MECOM: variants seen among roughly 807,000 people sequenced by gnomAD.
MECOM encodes histone-lysine N-methyltransferase MECOM.
Under a neutral mutation model 116.3 loss-of-function variants are expected in MECOM, and 13 were observed. That is an observed-to-expected ratio of 0.11 (90% CI 0.07 to 0.18). The LOEUF (loss-of-function observed/expected upper bound fraction) is 0.18, where lower values mean the gene tolerates loss of function less well. Among genes scored for constraint, MECOM ranks in the 10% least tolerant of loss-of-function variants. MECOM has a pLI of 1.00. For missense variants in MECOM, 1,299 were observed against 1,509.0 expected (o/e 0.86, Z 2.31); for synonymous variants, 528 against 535.2 (o/e 0.99, Z 0.19).
intron 5 of MECOM, among the ~76,000 whole-genome samples, chr3:169,123,049 A>T (rs1368142526): frequency 3.3e-5 from 5 of 152,056 alleles, no homozygotes; most frequent in South Asian, 4.2e-4. Flanking sequence ...TCACTACACA[A>T]TTCTAACAAC....
intron 2 of MECOM, among the ~76,000 whole-genome samples, chr3:169,322,555 T>C (rs1401147645): frequency 6.6e-6 from 1 of 152,088 alleles, no homozygotes; most frequent in Non-Finnish European, 1.5e-5. Flanking sequence ...CTGAACAACT[T>C]AATAAAGTTT....
At chr3:169,560,188 A>G (rs1762485275) in intron 1 of MECOM, among the ~76,000 whole-genome samples, 1 of 152,314 alleles carries the variant, frequency 6.6e-6, no homozygotes, top group Admixed American at 6.5e-5. Context: ...ATTTATAATT[A>G]TTAAGCTTGT....
intron 2 of MECOM, among the ~76,000 whole-genome samples, chr3:169,212,131 T>A (rs759832532): frequency 5.3e-4 from 81 of 152,090 alleles, no homozygotes; most frequent in Non-Finnish European, 1.1e-3. Context: ...ATCTGAATGG[T>A]AAGATTGATT....
At chr3:169,322,995 G>A (rs1449594943) in intron 2 of MECOM, among the ~76,000 whole-genome samples, 6 of 64,994 alleles carry the variant, frequency 9.2e-5, no homozygotes, top group African/African-American at 3.9e-4. Context: ...GCAAGACTCC[G>A]GTAAAAAAAA....
intron 2 of MECOM, among the ~76,000 whole-genome samples, chr3:169,242,603 G>A (rs1342799405): frequency 6.6e-6 from 1 of 152,098 alleles, no homozygotes; most frequent in Non-Finnish European, 1.5e-5. Context: ...AGAGCAGGAC[G>A]CGGGCTGCTC....
chr3:169,087,314 C>T (rs1451419229), intron 16 of MECOM, among the ~76,000 whole-genome samples: 1 of 152,068 alleles, frequency 6.6e-6, no homozygotes, highest in Admixed American at 6.6e-5. Flanking sequence ...AAAACCATGG[C>T]CAGGTGCAAT....
intron 1 of MECOM, among the ~76,000 whole-genome samples, chr3:169,498,579 G>A (rs140169498): frequency 2.6e-4 from 40 of 152,278 alleles, no homozygotes; most frequent in Middle Eastern, 6.8e-3. Flanking sequence ...TTCACTGCCA[G>A]CCTCTGAACA....
chr3:169,116,621 C>G lies in MECOM; in HGVS notation c.1251G>C (p.Thr417=). ...ACCTCCTGTGTTTATTTAAGGAAGA[C>G]GTAGTGCTGAACATTTGTCCACAGT... ...CKDCGQMFST[T]SSLNKHRRFC... is the part of the protein sequence containing the mutation. Residue 417 remains threonine, a synonymous_variant, in exon 8 of 17, where the codon ACG becomes ACC. Coordinates refer to ENST00000651503, the MANE Select transcript of MECOM (RefSeq NM_004991.4). The G allele has an allele frequency of 6.2e-7, 1 of 1,614,156 alleles. No individual in the cohort carries two copies.
intron 1 of MECOM, among the ~76,000 whole-genome samples, chr3:169,424,372 A>G (rs1740294110): frequency 6.6e-6 from 1 of 152,152 alleles, no homozygotes; most frequent in South Asian, 2.1e-4. Flanking sequence ...ACTTCAGGGA[A>G]GCTTTCAAAG....
At chr3:169,534,881 C>T (rs1759154347) in intron 1 of MECOM, among the ~76,000 whole-genome samples, 1 of 152,218 alleles carries the variant, frequency 6.6e-6, no homozygotes, top group Non-Finnish European at 1.5e-5. Flanking sequence ...GTGCTCTGAA[C>T]CTGCTACCTC....
intron 2 of MECOM, among the ~76,000 whole-genome samples, chr3:169,357,428 T>C (rs577569810): frequency 6.6e-6 from 1 of 151,948 alleles, no homozygotes; most frequent in South Asian, 2.1e-4. Context: ...TTCAGGACAT[T>C]AAGTTAAAAC....
At chr3:169,121,236 C>A in intron 6 of MECOM, 27 bp from the exon 7 acceptor site, 3 of 1,559,986 alleles carry the variant, frequency 1.9e-6, no homozygotes, top group Non-Finnish European at 2.6e-6. Context: ...ACTGATTAAT[C>A]AAGAAACTTA....
chr3:169,572,541 CAT>C (rs1332182500), intron 1 of MECOM, among the ~76,000 whole-genome samples: 1 of 152,160 alleles, frequency 6.6e-6, no homozygotes, highest in African/African-American at 2.4e-5. Context: ...CACATGCACA[CAT>C]ATGTTTATTG....
At chr3:169,307,469 G>A (rs1717934774) in intron 2 of MECOM, among the ~76,000 whole-genome samples, 1 of 152,144 alleles carries the variant, frequency 6.6e-6, no homozygotes, top group East Asian at 1.9e-4. Flanking sequence ...GGCTACTTGG[G>A]AGGCTGAGAG....
At chr3:169,583,367 G>T (rs765698863) in intron 1 of MECOM, among the ~76,000 whole-genome samples, 2 of 152,044 alleles carry the variant, frequency 1.3e-5, no homozygotes, top group East Asian at 1.9e-4. Context: ...TAAACTAACC[G>T]CATTGCATCT....
At chr3:169,229,607 C>G in intron 2 of MECOM, among the ~76,000 whole-genome samples, 1 of 152,114 alleles carries the variant, frequency 6.6e-6, no homozygotes, top group East Asian at 1.9e-4. Context: ...TCTGTTTCTA[C>G]TACTTTCAAT....
At chr3:169,639,024 A>C (rs1457429008) in intron 1 of MECOM, among the ~76,000 whole-genome samples, 1 of 152,116 alleles carries the variant, frequency 6.6e-6, no homozygotes, top group Non-Finnish European at 1.5e-5. Context: ...TTGGAGTGCC[A>C]CGTTGAAGAT....
At chr3:169,170,640 A>T (rs1388116405) in intron 2 of MECOM, among the ~76,000 whole-genome samples, 1 of 152,084 alleles carries the variant, frequency 6.6e-6, no homozygotes, top group Non-Finnish European at 1.5e-5. Flanking sequence ...ATTATGAGCC[A>T]GTTTCTCTAA....
At chr3:169,517,495 A>G (rs1416013246) in intron 1 of MECOM, among the ~76,000 whole-genome samples, 2 of 152,212 alleles carry the variant, frequency 1.3e-5, no homozygotes, top group African/African-American at 2.4e-5. Flanking sequence ...AGCTTGTCCT[A>G]TAAGAGGGAG....
Sources: gnomAD v4.1 joint callset for allele counts (sites outside exome capture counted in the v4.1 genomes callset) on GRCh38, gnomAD v4.1.1 for gene constraint, MANE v1.5 for transcripts, NCBI Gene and HGNC (gene_info 2026-07-23, HGNC 2026-07-21) for gene names.